KIRREL3: variants seen among roughly 807,000 people sequenced by gnomAD.
The protein encoded by KIRREL3 is kin of IRRE-like protein 3.
KIRREL3 carries 36 observed loss-of-function variants against 89.7 expected under a neutral mutation model. The observed-to-expected ratio is 0.40, with a 90% confidence interval of 0.31 to 0.53. The LOEUF is 0.53. Ranked by LOEUF, KIRREL3 falls within the 20% of genes least tolerant of loss-of-function variation. The probability of loss-of-function intolerance (pLI) is 0.49; values close to 1 mark genes in which losing one functional copy is unlikely to be tolerated. For synonymous variants in KIRREL3, 445 were observed against 441.4 expected, an observed-to-expected ratio of 1.01 and a Z score of -0.10; for missense variants, 864 against 1,056.6, an observed-to-expected ratio of 0.82 and a Z score of 2.53.
intron 1 of KIRREL3, among the ~76,000 whole-genome samples, chr11:126,865,899 T>C (rs907140898): frequency 1.3e-5 from 2 of 152,182 alleles, no homozygotes; most frequent in Non-Finnish European, 2.9e-5. Flanking sequence ...TTTTTCCTTG[T>C]GATCCCAAGC....
chr11:126,830,663 G>A lies in KIRREL3; in HGVS notation c.55+169792C>T, dbSNP rs1305594775. Among the ~76,000 whole-genome samples the A allele has an allele frequency of 1.3e-5, 2 of 152,180 alleles. No homozygotes were observed. The highest frequency in any genetic ancestry group is 2.4e-5 in the African/African-American group (1 of 41,442). The stretch of plus-strand genomic sequence containing the variant: ...CAGGCAGGCACTTAGGAAGGTGTTC[G>A]TGCCAGACGCATTCATTGTCTAACT... On this transcript the variant is annotated intron_variant, in intron 1 of 16. Transcript: ENST00000525144. The surrounding 1 kb of genome is among the most constrained non-coding windows in gnomAD (Gnocchi z 4.9).
At chr11:126,880,734 C>A (rs1394609329) in intron 1 of KIRREL3, among the ~76,000 whole-genome samples, 2 of 150,584 alleles carry the variant, frequency 1.3e-5, no homozygotes, top group African/African-American at 2.4e-5. Flanking sequence ...ACAGTAAAAT[C>A]TAAGTATATT....
rs1421427060 is a variant in KIRREL3, at chr11:126,647,176, T to C, written c.56-84264A>G. On this transcript the variant is annotated intron_variant, in intron 1 of 16. Coordinates refer to ENST00000525144, the MANE Select transcript of KIRREL3 (RefSeq NM_032531.4). The surrounding 1 kb of genome is among the most constrained non-coding windows in gnomAD (Gnocchi z 4.9). Reference sequence around the variant, plus strand: ...CCTCAGCATGGACAGCATTTCACAATATTTAGGGAGCCCAGGCTCACCCCT... The same window carrying C: ...CCTCAGCATGGACAGCATTTCACAACATTTAGGGAGCCCAGGCTCACCCCT... Among the ~76,000 whole-genome samples, 1 of 152,154 alleles carries C rather than the reference T, an allele frequency of 6.6e-6. No homozygotes were observed. The highest frequency in any genetic ancestry group is 2.4e-5 in the African/African-American group (1 of 41,430).
In KIRREL3 at chr11:126,584,052, G is replaced by T. The variant is rs193034761; in HGVS notation, c.56-21140C>A. ...TAGCTTAACGTAGCTGACATTCAGC[G>T]TGCACAATCTGGTGGCTGCCCCTCA... On this transcript the variant is annotated intron_variant, in intron 1 of 16. Transcript: ENST00000525144. Among the ~76,000 whole-genome samples, 122 of 152,276 alleles carry T rather than the reference G, an allele frequency of 8.0e-4. 1 individual carries two copies. In the South Asian group the frequency reaches 0.024, roughly 30 times the overall value.
intron 1 of KIRREL3, among the ~76,000 whole-genome samples, chr11:126,786,348 T>C (rs1382798932): frequency 1.3e-5 from 2 of 152,228 alleles, no homozygotes; most frequent in Non-Finnish European, 2.9e-5. Context: ...TTGAGTTGAT[T>C]CTTTTTTCTT....
rs1315487180 is a variant in KIRREL3 at position 126,684,250 on chromosome 11, C to T, written c.56-121338G>A. Among the ~76,000 whole-genome samples the T allele has an allele frequency of 6.6e-6, 1 of 152,222 alleles. No individual in the cohort carries two copies. The highest frequency in any genetic ancestry group is 6.5e-5 in the Admixed American group (1 of 15,292). On this transcript the variant is annotated intron_variant, in intron 1 of 16. Transcript: ENST00000525144. The surrounding 1 kb of genome is among the most constrained non-coding windows in gnomAD (Gnocchi z 4.2). ...GCCTCTGTGCCCGTTCTGGGAAAGC[C>T]CCTGGGCTTGCTGGACCCATTTCTG...
Position 126,456,402 on chromosome 11 carries a change from G to T in KIRREL3, c.795C>A (p.Asn265Lys). 6.3e-7 allele frequency: 1 copy of T among 1,594,596 alleles called. No homozygotes were observed. The highest frequency in any genetic ancestry group is 1.3e-5 in the African/African-American group (1 of 74,682). ...SVEPQPVLED[N>K]VVTFHCSAKA... is the part of the protein sequence containing the mutation. ...TTGCAGAGCAGTGGAAAGTGACGACGTTGTCCTCCAGCACTGGCTGTGGCT... is the reference window on the plus strand; with the variant it reads ...TTGCAGAGCAGTGGAAAGTGACGACTTTGTCCTCCAGCACTGGCTGTGGCT... Residue 265 changes from asparagine to lysine, a missense_variant, in exon 7 of 17, where the codon AAC (asparagine) becomes AAA (lysine). Physicochemically the swap from Asn to Lys is moderately conservative, Grantham distance 94 (BLOSUM62 0). Transcript: ENST00000525144.
chr11:126,902,087 T>G (rs747293847), intron 1 of KIRREL3, among the ~76,000 whole-genome samples: 1 of 152,230 alleles, frequency 6.6e-6, no homozygotes, highest in Non-Finnish European at 1.5e-5. Flanking sequence ...AAGACTATCC[T>G]GGCTCCTGGG....
Position 126,430,240 on chromosome 11 carries a change from T to A in KIRREL3, c.1697-952A>T, listed in dbSNP as rs987242205. Among the ~76,000 whole-genome samples the A allele has an allele frequency of 3.3e-5, 5 of 150,728 alleles. No homozygotes were observed. Among genetic ancestry groups the A allele is most frequent in the African/African-American group, 1.2e-4 (5 of 40,812 alleles). ...AAGGCGGACCACTTGAGGCCAGGAG[T>A]TCGAGACCAGCCTGGGCAACATGGT... On this transcript the variant is annotated intron_variant, in intron 14 of 16. Coordinates refer to ENST00000525144, the MANE Select transcript of KIRREL3 (RefSeq NM_032531.4). The surrounding 1 kb of genome is among the most constrained non-coding windows in gnomAD (Gnocchi z 6.6).
At chr11:126,688,847 T>A (rs571298746) in intron 1 of KIRREL3, among the ~76,000 whole-genome samples, 1 of 152,206 alleles carries the variant, frequency 6.6e-6, no homozygotes, top group Non-Finnish European at 1.5e-5. Context: ...CACAAGAAAT[T>A]TCTGCTTAAT....
intron 1 of KIRREL3, among the ~76,000 whole-genome samples, chr11:126,757,142 C>T (rs1344625040): frequency 6.6e-6 from 1 of 152,156 alleles, no homozygotes; most frequent in Non-Finnish European, 1.5e-5. Context: ...ATTCCATCTC[C>T]ATTTCATGGA....
intron 1 of KIRREL3, among the ~76,000 whole-genome samples, chr11:126,583,473 A>C (rs1941663619): frequency 6.6e-6 from 1 of 152,218 alleles, no homozygotes; most frequent in Admixed American, 6.5e-5. Flanking sequence ...CAGCACGAGC[A>C]CCAGGAGCTT....
Position 126,647,885 on chromosome 11 carries a change from G to A in KIRREL3, c.56-84973C>T, listed in dbSNP as rs1271823060. Reference sequence around the variant, plus strand: ...CTCTCCATGACTCATGGTGCTCTCCGGGGTCTGGCCTCGTTGTTACACTTT... The same window carrying A: ...CTCTCCATGACTCATGGTGCTCTCCAGGGTCTGGCCTCGTTGTTACACTTT... On this transcript the variant is annotated intron_variant, in intron 1 of 16. Transcript: ENST00000525144. The surrounding 1 kb of genome is among the most constrained non-coding windows in gnomAD (Gnocchi z 4.9). 1.3e-5 allele frequency among the ~76,000 whole-genome samples: 2 copies of A among 152,148 alleles called. No homozygotes were observed. The highest frequency in any genetic ancestry group is 6.5e-5 in the Admixed American group (1 of 15,278).
At chr11:126,507,414 A>C (rs1412552575) in intron 4 of KIRREL3, among the ~76,000 whole-genome samples, 1 of 152,214 alleles carries the variant, frequency 6.6e-6, no homozygotes, top group Non-Finnish European at 1.5e-5. Flanking sequence ...CATGAGGTCT[A>C]TTCCAACCTC....
chr11:126,822,970 C>T (rs1943278851), intron 1 of KIRREL3, among the ~76,000 whole-genome samples: 1 of 152,150 alleles, frequency 6.6e-6, no homozygotes, highest in South Asian at 2.1e-4. Flanking sequence ...CCAATGACCC[C>T]ACCTCTTAAA....
rs1474801501 is a variant in KIRREL3, at chr11:126,619,505, C to T, written c.56-56593G>A. ...TTTAAAAAAAGATCCTATGTGGAGA[C>T]TGGATTGCAGGAGGCACTTCTAATT... On this transcript the variant is annotated intron_variant, in intron 1 of 16. Coordinates refer to ENST00000525144, the MANE Select transcript of KIRREL3 (RefSeq NM_032531.4). Among the ~76,000 whole-genome samples the T allele has an allele frequency of 2.0e-5, 3 of 152,226 alleles. No individual in the cohort carries two copies. In the East Asian group the frequency reaches 5.8e-4, roughly 29 times the overall value.
rs1206933455 is a variant in KIRREL3 at position 126,863,482 on chromosome 11, TGTGAGTGCGTGTGTGA to T, written c.55+136957_55+136972del. On this transcript the variant is annotated intron_variant, in intron 1 of 16. Transcript: ENST00000525144. ...GAGTGCGTGTGTGTGTGAGTGCGTGTGTGAGTGCGTGTGTGAGTGTGAGTGCGTGTGTGTTTGAGTG... is the reference window on the plus strand; with the variant it reads ...GAGTGCGTGTGTGTGTGAGTGCGTGTGTGTGAGTGCGTGTGTGTTTGAGTG... Among the ~76,000 whole-genome samples the T allele has an allele frequency of 1.2e-4, 6 of 51,198 alleles. No individual in the cohort carries two copies. The East Asian group carries it at 0.013, about 115-fold the overall frequency. 33.6% of individuals were successfully genotyped at this position (51,198 alleles called of 152,430 possible). A position where few individuals can be genotyped will look rare whatever the true frequency, so the allele number is the denominator to read the frequency against.
Position 126,876,574 on chromosome 11 carries a change from G to A in KIRREL3, c.55+123881C>T, listed in dbSNP as rs1945294094. 1.4e-5 allele frequency among the ~76,000 whole-genome samples: 2 copies of A among 139,526 alleles called. No individual in the cohort carries two copies. Among genetic ancestry groups the A allele is most frequent in the Non-Finnish European group, 1.5e-5 (1 of 66,114 alleles). The allele number at this position is 139,526 out of a possible 152,430, so 91.5% of individuals were successfully genotyped here. A position where few individuals can be genotyped will look rare whatever the true frequency, so the allele number is the denominator to read the frequency against. On this transcript the variant is annotated intron_variant, in intron 1 of 16. Transcript: ENST00000525144. The surrounding 1 kb of genome is among the most constrained non-coding windows in gnomAD (Gnocchi z 4.1). The stretch of plus-strand genomic sequence containing the variant: ...TTTTTTTGAGATGGAGTCTTGCTCT[G>A]TCACCCAGGCTGGAGTGCAGCGGTG...
Position 126,668,018 on chromosome 11 carries a change from C to A in KIRREL3, c.56-105106G>T, listed in dbSNP as rs537615284. On this transcript the variant is annotated intron_variant, in intron 1 of 16. Coordinates refer to ENST00000525144, the MANE Select transcript of KIRREL3 (RefSeq NM_032531.4). The surrounding 1 kb of genome is among the most constrained non-coding windows in gnomAD (Gnocchi z 4.4). ...TTAGTGATTCACAGCTGGGAATCTTCTGTGTCTGAACAATTTCAGCCCCTC... is the reference window on the plus strand; with the variant it reads ...TTAGTGATTCACAGCTGGGAATCTTATGTGTCTGAACAATTTCAGCCCCTC... Among the ~76,000 whole-genome samples the A allele has an allele frequency of 4.6e-5, 7 of 152,204 alleles. No homozygotes were observed. The highest frequency in any genetic ancestry group is 7.3e-5 in the Non-Finnish European group (5 of 68,034).
Sources: allele counts gnomAD v4.1 joint callset (sites outside exome capture counted in the v4.1 genomes callset), GRCh38; gene constraint gnomAD v4.1.1; non-coding constraint Gnocchi (gnomAD v3.1); transcripts MANE v1.5; gene names NCBI Gene and HGNC (gene_info 2026-07-23, HGNC 2026-07-21).